Variants in USP48 observed in about 807,000 individuals in gnomAD.
USP48 encodes the protein ubiquitin carboxyl-terminal hydrolase 48.
USP48 carries 43 observed loss-of-function variants against 150.7 expected under a neutral mutation model. The observed-to-expected ratio is 0.29, with a 90% CI of 0.22 to 0.37. The LOEUF (loss-of-function observed/expected upper bound fraction) is 0.37, where lower values mean the gene tolerates loss of function less well. Ranked by LOEUF, USP48 falls within the 10% of genes least tolerant of loss-of-function variation. The pLI, the probability that USP48 is intolerant of heterozygous loss-of-function variation, is 1.00. For synonymous variants in USP48, 396 were observed against 425.9 expected, an observed-to-expected ratio of 0.93 and a Z score of 0.86; for missense variants, 813 against 1,249.6, an observed-to-expected ratio of 0.65 and a Z score of 5.27.
In USP48 at chr1:21,728,218, G is replaced by A. The variant is rs143502167; in HGVS notation, c.1450+352C>T. The A allele has an allele frequency of 3.7e-5, 38 of 1,015,616 alleles. No individual in the cohort carries two copies. In the African/African-American group the frequency reaches 4.9e-4, roughly 13 times the overall value. 62.9% of individuals were successfully genotyped at this position (1,015,616 alleles called of 1,614,324 possible). A position where few individuals can be genotyped will look rare whatever the true frequency, so the allele number is the denominator to read the frequency against. On this transcript the variant is annotated intron_variant, in intron 11 of 26. Coordinates refer to ENST00000308271, the MANE Select transcript of USP48 (RefSeq NM_032236.8). ...ACTGTTAGGTCACAAAGTATGCAAA[G>A]AAACAGAACAGGCAAGTTGCTTTTT...
chr1:21,759,308 A>T (rs1055312676), intron 1 of USP48, among the ~76,000 whole-genome samples: 6 of 151,454 alleles, frequency 4.0e-5, no homozygotes, highest in African/African-American at 1.5e-4. Context: ...TGGGGGAGGG[A>T]GAGGGAGGGG....
At chr1:21,774,468 C>T (rs1048258345) in intron 1 of USP48, among the ~76,000 whole-genome samples, 1 of 152,102 alleles carries the variant, frequency 6.6e-6, no homozygotes, top group South Asian at 2.1e-4. Flanking sequence ...GTGGGCAGAT[C>T]GCGAGGTCAG....
At chr1:21,704,506 AT>A in intron 19 of USP48, 114 bp from the exon 20 acceptor site, 6 of 1,177,336 alleles carry the variant, frequency 5.1e-6, no homozygotes, top group Non-Finnish European at 4.5e-6. Context: ...ATCCAAAGGA[AT>A]TAGAGAGAAA....
chr1:21,679,624 T>C (rs570626293), intron 26 of USP48, among the ~76,000 whole-genome samples, 185 bp from the exon 27 acceptor site: 1 of 152,312 alleles, frequency 6.6e-6, no homozygotes, highest in East Asian at 1.9e-4. Flanking sequence ...TAAATCACAT[T>C]TTTGTTGAAA....
At chr1:21,722,231 G>A (rs1284569682) in intron 12 of USP48, among the ~76,000 whole-genome samples, 2 of 152,020 alleles carry the variant, frequency 1.3e-5, no homozygotes, top group Non-Finnish European at 1.5e-5. Context: ...TCTTCCTATT[G>A]CATGGTTTAT....
intron 15 of USP48, among the ~76,000 whole-genome samples, chr1:21,712,467 C>T (rs577779960): frequency 5.2e-4 from 79 of 152,206 alleles, no homozygotes; most frequent in Non-Finnish European, 1.0e-3. Context: ...CTCCTCTTAC[C>T]AACATCATCA....
intron 22 of USP48, among the ~76,000 whole-genome samples, chr1:21,697,531 T>A (rs574365891): frequency 2.0e-5 from 3 of 150,412 alleles, no homozygotes. Context: ...GGCTTGGTGG[T>A]GGGCGCCTGT....
At chr1:21,747,024 G>T in intron 8 of USP48, 43 bp downstream of exon 8, 1 of 1,439,698 alleles carries the variant, frequency 6.9e-7, no homozygotes, top group South Asian at 1.3e-5. Context: ...ACAAGTTAGA[G>T]TCTCTGAGCA....
intron 1 of USP48, among the ~76,000 whole-genome samples, chr1:21,767,093 A>C (rs1407123229): frequency 6.6e-6 from 1 of 151,918 alleles, no homozygotes; most frequent in Admixed American, 6.6e-5. Context: ...ACAACAACAA[A>C]CAAAATCCAT....
rs547825678 is a variant in USP48 at position 21,782,571 on chromosome 1, A to G, written c.134+253T>C. 2.6e-4 allele frequency among the ~76,000 whole-genome samples: 39 copies of G among 152,330 alleles called. 1 individual carries two copies. In the South Asian group the frequency reaches 7.9e-3, roughly 31 times the overall value. ...TGCTAAGCTCTCAGCTCCTGCCTTC[A>G]TCTCCACCGCCATCTTCTGGATGGG... On this transcript the variant is annotated intron_variant, in intron 1 of 26. Transcript: ENST00000308271.
At chr1:21,781,134 C>T (rs1425523515) in intron 1 of USP48, among the ~76,000 whole-genome samples, 2 of 148,342 alleles carry the variant, frequency 1.3e-5, no homozygotes, top group African/African-American at 2.5e-5. Context: ...AAAAAAGTAT[C>T]GGCCTGGCGG....
At chr1:21,724,191 C>G (rs1239946545) in intron 11 of USP48, 96 bp from the exon 12 acceptor site, 1 of 1,191,010 alleles carries the variant, frequency 8.4e-7, no homozygotes, top group Non-Finnish European at 1.2e-6. Flanking sequence ...CAAACTCTGT[C>G]CAGAGTTAGC....
intron 24 of USP48, among the ~76,000 whole-genome samples, chr1:21,687,962 G>T (rs1458266640): frequency 6.6e-6 from 1 of 152,120 alleles, no homozygotes; most frequent in East Asian, 1.9e-4. Context: ...TGTGTGCATG[G>T]ATGGGGTAGA....
chr1:21,714,865 C>T (rs1484304947), intron 15 of USP48, among the ~76,000 whole-genome samples: 2 of 152,114 alleles, frequency 1.3e-5, no homozygotes, highest in Admixed American at 6.5e-5. Flanking sequence ...TAAACCAAGC[C>T]GAGCCCAGTG....
chr1:21,772,159 CACA>C (rs2097882633), intron 1 of USP48, among the ~76,000 whole-genome samples: 1 of 151,970 alleles, frequency 6.6e-6, no homozygotes, highest in Non-Finnish European at 1.5e-5. Flanking sequence ...AGTACTAAAA[CACA>C]ACATGAGTGA....
At position 21,744,361 on chromosome 1, in the gene USP48, T is replaced by A. The variant is rs35725951; in HGVS notation, c.991+2706A>T. Among the ~76,000 whole-genome samples, 255 of 151,452 alleles carry A rather than the reference T, an allele frequency of 1.7e-3. 1 individual carries two copies. Among genetic ancestry groups the A allele is most frequent in the African/African-American group, 6.0e-3 (246 of 41,248 alleles). On this transcript the variant is annotated intron_variant, in intron 8 of 26. Coordinates refer to ENST00000308271, the MANE Select transcript of USP48 (RefSeq NM_032236.8). ...CTCGAGAGACTGAGGCAGAGAGAATTGCTTGAACCCAGGAGGTGGAGGCTG... is the reference window on the plus strand; with the variant it reads ...CTCGAGAGACTGAGGCAGAGAGAATAGCTTGAACCCAGGAGGTGGAGGCTG...
intron 25 of USP48, among the ~76,000 whole-genome samples, chr1:21,683,013 CA>C (rs1325284810): frequency 1.3e-5 from 2 of 152,090 alleles, no homozygotes; most frequent in South Asian, 2.1e-4. Flanking sequence ...GTAATCCAAA[CA>C]CTTCGGGAGG....
chr1:21,706,987 GTTT>G, intron 15 of USP48, 119 bp from the exon 16 acceptor site: 1 of 1,172,370 alleles, frequency 8.5e-7, no homozygotes, highest in South Asian at 1.7e-5. Context: ...CTTTGCTAAA[GTTT>G]GGTATTTCTA....
chr1:21,758,611 G>C (rs1344906032), intron 1 of USP48, among the ~76,000 whole-genome samples: 1 of 151,950 alleles, frequency 6.6e-6, no homozygotes, highest in African/African-American at 2.4e-5. Context: ...TTAGCCGGGC[G>C]TGGCGGTGCG....
Sources: allele counts gnomAD v4.1 joint callset (sites outside exome capture counted in the v4.1 genomes callset), GRCh38; gene constraint gnomAD v4.1.1; transcripts MANE v1.5; gene names NCBI Gene and HGNC (gene_info 2026-07-23, HGNC 2026-07-21).